C17orf78: variants seen among roughly 807,000 people sequenced by gnomAD.
C17orf78 encodes the protein uncharacterized protein C17orf78.
Under a neutral mutation model 31.8 loss-of-function variants are expected in C17orf78, and 27 were observed. The observed-to-expected ratio is 0.85, with a 90% CI of 0.63 to 1.17. C17orf78 has a LOEUF of 1.17. C17orf78 is among the 50% of genes most tolerant of loss of function. The pLI, the probability that C17orf78 is intolerant of heterozygous loss-of-function variation, is 0.00. For synonymous variants in C17orf78, 106 were observed against 115.1 expected, an observed-to-expected ratio of 0.92 and a Z score of 0.51; for missense variants, 258 against 315.2, an observed-to-expected ratio of 0.82 and a Z score of 1.37.
Position 37,379,178 on chromosome 17 carries a change from C to A in C17orf78, c.187C>A (p.Arg63=). Residue 63 remains arginine, a synonymous_variant, in exon 3 of 7, where the codon CGG becomes AGG. Transcript: ENST00000615133. ...ETKRTTFIQN[R]TIATLQCLGS... ...CAAAAGGACAACATTCATTCAAAAC[C>A]GGACTATAGCTACCCTGCAGTGCCT... is the stretch of plus-strand genomic sequence containing the variant. The A allele has an allele frequency of 6.2e-7, 1 of 1,613,940 alleles. No homozygotes were observed. The highest frequency in any genetic ancestry group is 1.1e-5 in the South Asian group (1 of 91,062).
rs769922289 is a variant in C17orf78, at chr17:37,379,162, A to G, written c.171A>G (p.Thr57=). 3.1e-6 allele frequency: 5 copies of G among 1,613,918 alleles called. No individual in the cohort carries two copies. The highest frequency in any genetic ancestry group is 4.2e-6 in the Non-Finnish European group (5 of 1,179,840). The change falls in exon 3 of 7, where the codon ACA becomes ACG. Residue 57 remains threonine (T), a synonymous_variant. Transcript: ENST00000615133. The part of the protein sequence containing the change: ...MQETHTETKR[T]TFIQNRTIAT... ...AAACTCACACAGAAACCAAAAGGAC[A>G]ACATTCATTCAAAACCGGACTATAG...
intron 6 of C17orf78, among the ~76,000 whole-genome samples, chr17:37,390,239 A>ATATATT (rs2050760255): frequency 2.0e-5 from 1 of 49,600 alleles, no homozygotes; most frequent in African/African-American, 1.4e-4. Flanking sequence ...TATATATAAT[A>ATATATT]TATTATATAT....
chr17:37,389,311 AG>A lies in C17orf78; in HGVS notation c.701del (p.Gly234AlafsTer53). The A allele has an allele frequency of 6.3e-7, 1 of 1,598,564 alleles. No individual in the cohort carries two copies. The highest frequency in any genetic ancestry group is 1.1e-5 in the South Asian group (1 of 87,824). On this transcript the variant is annotated frameshift_variant, in exon 6 of 7. Transcript: ENST00000615133. LOFTEE classifies it high-confidence loss of function. ...QWLWRWQKKG[G>X]QPPGTAESKP... is the part of the protein sequence containing the mutation. ...GGTTGTGGAGATGGCAAAAGAAGGG[AG>A]GCCAGCCACCTGGGACAGCTGAATC...
rs757650670 is a variant in C17orf78 at position 37,379,342 on chromosome 17, C to T, written c.351C>T (p.Pro117=). 2 of 1,614,010 alleles carry T rather than the reference C, an allele frequency of 1.2e-6. No homozygotes were observed. The highest frequency in any genetic ancestry group is 1.7e-6 in the Non-Finnish European group (2 of 1,179,892). Residue 117 remains proline (P), a synonymous_variant, in exon 3 of 7, where the codon CCC becomes CCT. Coordinates refer to ENST00000615133, the MANE Select transcript of C17orf78 (RefSeq NM_173625.5). The stretch of plus-strand genomic sequence containing the variant: ...CCTCCTCAAGCTGTCACCTAATCCC[C>T]ACATCCAAGTTTCAGACTGGATCTC... ...SSASSSCHLI[P]TSKFQTGSLL...
intron 1 of C17orf78, 32 bp from the exon 2 acceptor site, chr17:37,377,847 G>A (rs551055529): frequency 1.6e-5 from 23 of 1,421,010 alleles, no homozygotes; most frequent in Admixed American, 1.0e-4. Flanking sequence ...AACCTTCCCC[G>A]GTTCCCCTCC....
chr17:37,387,035 TCA>T (rs1412367304), intron 4 of C17orf78: 5 of 152,384 alleles, frequency 3.3e-5, no homozygotes, highest in African/African-American at 1.2e-4. Flanking sequence ...CAAGCTGGTC[TCA>T]GACTCCTGGG....
chr17:37,381,701 C>T (rs1230583063), intron 3 of C17orf78, among the ~76,000 whole-genome samples: 1 of 147,964 alleles, frequency 6.8e-6, no homozygotes, highest in East Asian at 2.0e-4. Context: ...GATCTCAGCT[C>T]ACTGCAAGCT....
chr17:37,379,514 T>A, intron 3 of C17orf78, 132 bp downstream of exon 3: 1 of 1,267,820 alleles, frequency 7.9e-7, no homozygotes, highest in Middle Eastern at 2.7e-4. Flanking sequence ...GTTTGTTTTT[T>A]TTCTTGTAAA....
At chr17:37,384,805 T>G (rs895521074) in intron 3 of C17orf78, among the ~76,000 whole-genome samples, 3 of 152,248 alleles carry the variant, frequency 2.0e-5, no homozygotes, top group African/African-American at 7.2e-5. Flanking sequence ...TGATTTCATG[T>G]ACAGTGCCTG....
At chr17:37,376,635 G>T (rs2050014234) in intron 1 of C17orf78, among the ~76,000 whole-genome samples, 1 of 152,160 alleles carries the variant, frequency 6.6e-6, no homozygotes, top group Non-Finnish European at 1.5e-5. Flanking sequence ...AGTTTTCAAA[G>T]TTTCATAAAC....
chr17:37,378,724 A>AACTCAGAG (rs367600426), intron 2 of C17orf78, among the ~76,000 whole-genome samples: 2 of 151,518 alleles, frequency 1.3e-5, no homozygotes, highest in African/African-American at 4.9e-5. Flanking sequence ...ACAAGAGCAA[A>AACTCAGAG]ACTCAGAGAT....
rs550347470 is a variant in C17orf78 at position 37,377,888 on chromosome 17, A to G, written c.68A>G (p.Asp23Gly). 1.5e-4 allele frequency: 249 copies of G among 1,610,590 alleles called. No individual in the cohort carries two copies. The East Asian group carries it at 4.9e-3, about 31-fold the overall frequency. ...CTCTGCTCACCCCCAGACCTCAGAGATAGCAGTTGCCGACTGGAACAGCTG... is the reference window on the plus strand; with the variant it reads ...CTCTGCTCACCCCCAGACCTCAGAGGTAGCAGTTGCCGACTGGAACAGCTG... Reference protein sequence around the residue: ...SYDANKKDLRDSSCRLEQLPG... With the variant: ...SYDANKKDLRGSSCRLEQLPG... The change falls in exon 2 of 7, where the codon GAT becomes GGT. Residue 23 changes from aspartate (D) to glycine (G), a missense_variant. Coordinates refer to ENST00000615133, the MANE Select transcript of C17orf78 (RefSeq NM_173625.5).
intron 5 of C17orf78, 91 bp from the exon 6 acceptor site, chr17:37,389,155 G>A: frequency 7.0e-7 from 1 of 1,435,290 alleles, no homozygotes; most frequent in South Asian, 1.4e-5. Flanking sequence ...AGAAGAGATG[G>A]CTTCCTTTAA....
At chr17:37,385,514 A>G (rs908049627) in intron 3 of C17orf78, among the ~76,000 whole-genome samples, 7 of 151,978 alleles carry the variant, frequency 4.6e-5, no homozygotes, top group African/African-American at 1.7e-4. Context: ...CAAGGAGTAC[A>G]TGAAGCTGGG....
intron 3 of C17orf78, among the ~76,000 whole-genome samples, chr17:37,381,756 T>C (rs569318373): frequency 2.0e-5 from 3 of 151,178 alleles, no homozygotes; most frequent in East Asian, 3.9e-4. Context: ...GCCTCCCGAG[T>C]AGCTGGGACT....
chr17:37,385,202 T>C (rs1190358560), intron 3 of C17orf78, among the ~76,000 whole-genome samples: 1 of 152,180 alleles, frequency 6.6e-6, no homozygotes, highest in Non-Finnish European at 1.5e-5. Flanking sequence ...CTGGGCACAG[T>C]GGCTCATGTC....
rs1001933226 is a variant in C17orf78, at chr17:37,389,342, C to G, written c.730C>G (p.Pro244Ala). The G allele has an allele frequency of 1.9e-6, 3 of 1,589,780 alleles. No homozygotes were observed. The highest frequency in any genetic ancestry group is 3.6e-5 in the Admixed American group (2 of 56,092). The change falls in exon 6 of 7, where the codon CCT (proline) becomes GCT (alanine). Residue 244 changes from proline (P) to alanine (A), a missense_variant. Physicochemically the swap from Pro to Ala is conservative, Grantham distance 27 (BLOSUM62 -1). Coordinates refer to ENST00000615133, the MANE Select transcript of C17orf78 (RefSeq NM_173625.5). ...GQPPGTAESK[P>A]DSQPQKVGQD... is the part of the protein sequence containing the mutation. ...GCCACCTGGGACAGCTGAATCCAAG[C>G]CTGACTCTCAGCCCCAGAAGGAAAG...
At chr17:37,380,534 T>C (rs1423775530) in intron 3 of C17orf78, among the ~76,000 whole-genome samples, 1 of 152,158 alleles carries the variant, frequency 6.6e-6, no homozygotes, top group Admixed American at 6.6e-5. Flanking sequence ...CCTGATACTC[T>C]GTGATTTTCA....
At chr17:37,386,237 T>C (rs2050523025) in intron 4 of C17orf78, 112 bp downstream of exon 4, 1 of 667,972 alleles carries the variant, frequency 1.5e-6, no homozygotes, top group Non-Finnish European at 2.5e-6. Context: ...GATATTTTTC[T>C]TGAGGTTGAG....
Sources: gnomAD v4.1 joint callset for allele counts (sites outside exome capture counted in the v4.1 genomes callset) on GRCh38, gnomAD v4.1.1 for gene constraint, MANE v1.5 for transcripts, NCBI Gene and HGNC (gene_info 2026-07-23, HGNC 2026-07-21) for gene names.